The following ANKS1A variants were observed in gnomAD, a reference collection of about 807,000 sequenced individuals.
ANKS1A encodes ankyrin repeat and SAM domain-containing protein 1A.
In ANKS1A, 55 loss-of-function variants were observed where a neutral mutation model predicts 120.3. That is an observed-to-expected ratio of 0.46 (90% CI 0.37 to 0.57). The LOEUF (loss-of-function observed/expected upper bound fraction) is 0.57, where lower values mean the gene tolerates loss of function less well. ANKS1A is among the 20% of genes least tolerant of loss of function. ANKS1A has a pLI of 0.00. For missense variants in ANKS1A, 1,123 were observed against 1,480.3 expected (o/e 0.76, Z 3.96); for synonymous variants, 590 against 604.7 (o/e 0.98, Z 0.36).
At position 34,989,298 on chromosome 6, in the gene ANKS1A, T is replaced by G; in HGVS notation, c.1284T>G (p.Phe428Leu). Residue 428 changes from phenylalanine (F) to leucine (L), a missense_variant, in exon 9 of 24, where the codon TTT (phenylalanine) becomes TTG (leucine). Coordinates refer to ENST00000360359, the MANE Select transcript of ANKS1A (RefSeq NM_015245.3). ...AAGACCACATAGATAAGAAGTATTT[T>G]CCCTTGACAGCTTCTGAGGTAGAGG... The part of the protein sequence containing the change: ...EEEDHIDKKY[F>L]PLTASEVLSM... 1 of 1,613,936 alleles carries G rather than the reference T, an allele frequency of 6.2e-7. No individual in the cohort carries two copies. The highest frequency in any genetic ancestry group is 1.7e-5 in the Admixed American group (1 of 60,010).
At chr6:35,063,820 TGCAGCGGAGGCTGGCAAGCACCGCCA>T (rs1413562323) in intron 13 of ANKS1A, among the ~76,000 whole-genome samples, 1 of 152,200 alleles carries the variant, frequency 6.6e-6, no homozygotes, top group Non-Finnish European at 1.5e-5. Context: ...CAGTGTCAAG[TGCAGCGGAGGCTGGCAAGCACCGCCA>T]GCAGAGGAGG....
chr6:34,972,492 C>A, intron 3 of ANKS1A: 2 of 579,204 alleles, frequency 3.5e-6, no homozygotes, highest in Non-Finnish European at 4.4e-6. Flanking sequence ...TCAAGTTGTT[C>A]TAGGGTTGGG....
At chr6:34,903,764 C>T (rs1767493357) in intron 1 of ANKS1A, among the ~76,000 whole-genome samples, 1 of 152,188 alleles carries the variant, frequency 6.6e-6, no homozygotes, top group South Asian at 2.1e-4. Flanking sequence ...AGCCACCCGC[C>T]TCGGCCTTCC....
intron 11 of ANKS1A, among the ~76,000 whole-genome samples, chr6:35,030,742 T>C (rs1251647830): frequency 1.3e-5 from 2 of 152,214 alleles, no homozygotes; most frequent in African/African-American, 2.4e-5. Context: ...AGGTCATGCA[T>C]GCAGTCCTCC....
At position 35,086,416 on chromosome 6, in the gene ANKS1A, C is replaced by G. The variant is rs1220860098; in HGVS notation, c.3303+480C>G. Reference sequence around the variant, plus strand: ...TGTGTGTCAGTCTCCCCGAAGTGACCGTGAGCGCTCTTAGCCTCTGGCGGC... The same window carrying G: ...TGTGTGTCAGTCTCCCCGAAGTGACGGTGAGCGCTCTTAGCCTCTGGCGGC... On this transcript the variant is annotated intron_variant, in intron 22 of 23. Coordinates refer to ENST00000360359, the MANE Select transcript of ANKS1A (RefSeq NM_015245.3). The surrounding 1 kb of genome is among the most constrained non-coding windows in gnomAD (Gnocchi z 5.1). 2 of 1,247,078 alleles carry G rather than the reference C, an allele frequency of 1.6e-6. No individual in the cohort carries two copies. Among genetic ancestry groups the G allele is most frequent in the African/African-American group, 1.5e-5 (1 of 64,908 alleles). The allele number at this position is 1,247,078 out of a possible 1,614,324, so 77.3% of individuals were successfully genotyped here.
At chr6:34,923,263 G>A (rs1768532323) in intron 1 of ANKS1A, among the ~76,000 whole-genome samples, 1 of 152,204 alleles carries the variant, frequency 6.6e-6, no homozygotes, top group African/African-American at 2.4e-5. Flanking sequence ...GAAGCCACGG[G>A]TGGGGAGTCT....
In ANKS1A at chr6:35,078,642, C is replaced by T. The variant is rs560685637; in HGVS notation, c.2269C>T (p.Arg757Cys). 3.7e-6 allele frequency: 6 copies of T among 1,602,536 alleles called. No individual in the cohort carries two copies. The highest frequency in any genetic ancestry group is 3.3e-5 in the South Asian group (3 of 91,082). The change falls in exon 14 of 24, where the codon CGC (arginine) becomes TGC (cysteine). Residue 757 changes from arginine (R) to cysteine (C), a missense_variant. Transcript: ENST00000360359. ...CCGGCGGAAGCTGCTCCAGGCGGCA[C>T]GCTCCCTACCCAAGGTGACCATCGC... Reference protein sequence around the residue: ...QHRRKLLQAARSLPKVKALGY... With the variant: ...QHRRKLLQAACSLPKVKALGY...
At position 35,029,794 on chromosome 6, in the gene ANKS1A, T is replaced by C. The variant is rs4339449; in HGVS notation, c.2010+11735T>C. On this transcript the variant is annotated intron_variant, in intron 11 of 23. Coordinates refer to ENST00000360359, the MANE Select transcript of ANKS1A (RefSeq NM_015245.3). ...ATATAATATATACTTATATGTAATA[T>C]ACAAATATATATTATTTGATTACAA... Among the ~76,000 whole-genome samples, 769 of 148,442 alleles carry C rather than the reference T, an allele frequency of 5.2e-3. 6 individuals carry two copies. Among genetic ancestry groups the C allele is most frequent in the African/African-American group, 0.013 (527 of 40,938 alleles).
At chr6:34,942,725 A>T (rs1221676956) in intron 1 of ANKS1A, among the ~76,000 whole-genome samples, 6 of 150,558 alleles carry the variant, frequency 4.0e-5, no homozygotes, top group Middle Eastern at 3.2e-3. Context: ...TGCATTGTAC[A>T]CTTTCTTCTG....
intron 3 of ANKS1A, among the ~76,000 whole-genome samples, chr6:34,979,796 T>A (rs992973842): frequency 1.3e-5 from 2 of 152,208 alleles, no homozygotes; most frequent in Non-Finnish European, 2.9e-5. Flanking sequence ...CTTGGCTCTT[T>A]CTATCACACT....
At position 35,082,879 on chromosome 6, in the gene ANKS1A, C is replaced by T. The variant is rs61403214; in HGVS notation, c.2835+63C>T. The T allele has an allele frequency of 6.3e-3, 9,841 of 1,570,776 alleles. 430 individuals are homozygous for T. In the African/African-American group the frequency reaches 0.1, roughly 17 times the overall value. ...CTGCTCCTTCTCGGCCAGGCACCTG[C>T]GGCCAAGTCCCAGCAGGGACTCCAC... On this transcript the variant is annotated intron_variant, in intron 18 of 23. Transcript: ENST00000360359. The surrounding 1 kb of genome is among the most constrained non-coding windows in gnomAD (Gnocchi z 4.1).
intron 10 of ANKS1A, among the ~76,000 whole-genome samples, chr6:35,004,146 G>GA (rs1773314462): frequency 1.3e-5 from 1 of 79,180 alleles, no homozygotes; most frequent in South Asian, 3.9e-4. Flanking sequence ...CTCTCACACG[G>GA]ACCCCCCCTT....
At chr6:35,062,143 T>C (rs768799376) in intron 13 of ANKS1A, among the ~76,000 whole-genome samples, 11 of 152,220 alleles carry the variant, frequency 7.2e-5, no homozygotes, top group Non-Finnish European at 1.5e-4. Flanking sequence ...CTCTGTAAGA[T>C]GCGTCTGTTC....
chr6:35,034,068 T>C (rs1423972862), intron 11 of ANKS1A, among the ~76,000 whole-genome samples: 2 of 152,256 alleles, frequency 1.3e-5, no homozygotes, highest in African/African-American at 4.8e-5. Context: ...TTAGGTTTGC[T>C]GTGCCCTTTT....
intron 1 of ANKS1A, among the ~76,000 whole-genome samples, chr6:34,906,740 C>CT (rs1443607600): frequency 3.9e-5 from 6 of 152,236 alleles, no homozygotes; most frequent in African/African-American, 1.4e-4. Flanking sequence ...TTCAAAGTAT[C>CT]TTCCCCAGAA....
intron 1 of ANKS1A, among the ~76,000 whole-genome samples, chr6:34,934,095 T>C (rs1581712997): frequency 6.6e-6 from 1 of 152,314 alleles, no homozygotes; most frequent in East Asian, 1.9e-4. Flanking sequence ...AGAGAGGTGA[T>C]GTGGAAGGAA....
intron 18 of ANKS1A, 63 bp from the exon 19 acceptor site, chr6:35,083,092 G>C: frequency 6.3e-7 from 1 of 1,592,398 alleles, no homozygotes. Flanking sequence ...TCCCAAATTG[G>C]TTGGGTCACC....
chr6:34,912,153 T>C (rs1404283047), intron 1 of ANKS1A, among the ~76,000 whole-genome samples: 2 of 152,252 alleles, frequency 1.3e-5, no homozygotes, highest in African/African-American at 4.8e-5. Flanking sequence ...TGCGTGATCA[T>C]TGTTGTACTG....
intron 10 of ANKS1A, among the ~76,000 whole-genome samples, chr6:34,998,184 A>G (rs557893427): frequency 6.6e-6 from 1 of 152,366 alleles, no homozygotes; most frequent in East Asian, 1.9e-4. Context: ...AGTGAGGTAC[A>G]TCAGCAGACC....
Sources: allele counts gnomAD v4.1 joint callset (sites outside exome capture counted in the v4.1 genomes callset), GRCh38; gene constraint gnomAD v4.1.1; non-coding constraint Gnocchi (gnomAD v3.1); transcripts MANE v1.5; gene names NCBI Gene and HGNC (gene_info 2026-07-23, HGNC 2026-07-21).